Variants in CFAP299 observed in about 807,000 individuals in gnomAD.
CFAP299 encodes cilia- and flagella-associated protein 299.
A neutral mutation model predicts 27.0 loss-of-function variants in CFAP299; 21 were observed. The observed-to-expected ratio is 0.78, with a 90% CI of 0.55 to 1.12. CFAP299 has a LOEUF of 1.12. Among genes scored for constraint, CFAP299 ranks in the 50% most tolerant of loss-of-function variants. CFAP299 has a pLI of 0.00. For missense variants in CFAP299, 310 were observed against 276.6 expected, an observed-to-expected ratio of 1.12 and a Z score of -0.86; for synonymous variants, 104 against 98.1, an observed-to-expected ratio of 1.06 and a Z score of -0.36.
chr4:80,704,172 C>G (rs187859566), intron 3 of CFAP299, among the ~76,000 whole-genome samples: 115 of 151,512 alleles, frequency 7.6e-4, no homozygotes, highest in Non-Finnish European at 1.5e-3. Context: ...TATTTAGAAT[C>G]CAGGTGGCAT....
At chr4:80,802,899 A>G (rs1246665540) in intron 3 of CFAP299, among the ~76,000 whole-genome samples, 1 of 152,054 alleles carries the variant, frequency 6.6e-6, no homozygotes, top group Non-Finnish European at 1.5e-5. Flanking sequence ...CATTAACATT[A>G]AATTAGAACC....
chr4:80,766,673 C>T (rs1560740711), intron 3 of CFAP299, among the ~76,000 whole-genome samples: 1 of 152,086 alleles, frequency 6.6e-6, no homozygotes, highest in Non-Finnish European at 1.5e-5. Context: ...CTATACGATA[C>T]TAGTTCAAAA....
At chr4:80,625,012 A>G (rs1028938093) in intron 3 of CFAP299, among the ~76,000 whole-genome samples, 2 of 152,178 alleles carry the variant, frequency 1.3e-5, no homozygotes, top group Non-Finnish European at 2.9e-5. Flanking sequence ...GGTGAAAGAA[A>G]AAAACACTAA....
intron 3 of CFAP299, among the ~76,000 whole-genome samples, chr4:80,865,639 A>G (rs1732677023): frequency 6.6e-6 from 1 of 152,168 alleles, no homozygotes; most frequent in Non-Finnish European, 1.5e-5. Flanking sequence ...ATTTTATTTT[A>G]GCAAACTTTT....
intron 3 of CFAP299, among the ~76,000 whole-genome samples, chr4:80,794,609 A>G (rs1727750558): frequency 6.6e-6 from 1 of 152,148 alleles, no homozygotes; most frequent in Non-Finnish European, 1.5e-5. Flanking sequence ...GAATTCCATG[A>G]GCATGAGCCC....
intron 2 of CFAP299, among the ~76,000 whole-genome samples, chr4:80,554,463 G>C (rs1439302962): frequency 6.7e-6 from 1 of 148,784 alleles, no homozygotes; most frequent in East Asian, 2.0e-4. Context: ...GCATTGCCCT[G>C]GCTATTTGGG....
chr4:80,898,926 G>A (rs754710089), intron 4 of CFAP299, among the ~76,000 whole-genome samples: 1 of 152,104 alleles, frequency 6.6e-6, no homozygotes, highest in Non-Finnish European at 1.5e-5. Context: ...TAAAATTTAG[G>A]CTGATTCCCA....
intron 3 of CFAP299, among the ~76,000 whole-genome samples, chr4:80,834,934 A>C (rs780788046): frequency 6.6e-6 from 1 of 152,120 alleles, no homozygotes; most frequent in Non-Finnish European, 1.5e-5. Context: ...TAGAACTGAA[A>C]ATATTTGTTC....
At chr4:80,922,813 A>G (rs959109907) in intron 4 of CFAP299, among the ~76,000 whole-genome samples, 13 of 150,134 alleles carry the variant, frequency 8.7e-5, no homozygotes, top group Non-Finnish European at 4.4e-5. Flanking sequence ...AGTGTTATAA[A>G]TGTTAAAATG....
chr4:80,839,318 G>C (rs1480367771), intron 3 of CFAP299, among the ~76,000 whole-genome samples: 2 of 152,034 alleles, frequency 1.3e-5, no homozygotes, highest in African/African-American at 4.8e-5. Context: ...CTAGAACATT[G>C]TCTAGAATGT....
At chr4:80,335,069 C>G (rs535984069), upstream of CFAP299, among the ~76,000 whole-genome samples, 1 of 152,214 alleles carries the variant, frequency 6.6e-6, no homozygotes, top group South Asian at 2.1e-4. Context: ...AACAAAAAAT[C>G]TTTAGTGAAA....
At chr4:80,392,174 G>A in intron 2 of CFAP299, among the ~76,000 whole-genome samples, 1 of 152,104 alleles carries the variant, frequency 6.6e-6, no homozygotes, top group East Asian at 1.9e-4. Flanking sequence ...TACCTCCATT[G>A]TATCTAAGAA....
chr4:80,822,254 G>GA (rs1283582286), intron 3 of CFAP299, among the ~76,000 whole-genome samples: 1 of 152,136 alleles, frequency 6.6e-6, no homozygotes, highest in South Asian at 2.1e-4. Context: ...CAAGTAGCCT[G>GA]AAAAGCCTTC....
At chr4:80,542,974 A>G (rs970182192) in intron 2 of CFAP299, among the ~76,000 whole-genome samples, 10 of 152,020 alleles carry the variant, frequency 6.6e-5, no homozygotes, top group Non-Finnish European at 1.2e-4. Context: ...TGCTGTTGCC[A>G]GTGGCCTAGG....
At chr4:80,690,868 C>G (rs895800196) in intron 3 of CFAP299, among the ~76,000 whole-genome samples, 1 of 150,290 alleles carries the variant, frequency 6.7e-6, no homozygotes, top group Non-Finnish European at 1.5e-5. Flanking sequence ...GATATCACCA[C>G]TGATCCCACA....
intron 2 of CFAP299, among the ~76,000 whole-genome samples, chr4:80,377,255 CATTTAAGTTTGTAT>C (rs1360717430): frequency 2.0e-5 from 3 of 152,062 alleles, no homozygotes; most frequent in African/African-American, 7.2e-5. Context: ...CTAGGTTTCA[CATTTAAGTTTGTAT>C]TAATAATTTA....
intron 5 of CFAP299, among the ~76,000 whole-genome samples, chr4:80,963,093 G>C (rs557619461): frequency 6.6e-6 from 1 of 152,168 alleles, no homozygotes; most frequent in Non-Finnish European, 1.5e-5. Context: ...ACCATGGACA[G>C]ACACTTCCAC....
At position 80,394,405 on chromosome 4, in the gene CFAP299, GTT is replaced by G. The variant is rs749367759; in HGVS notation, c.242+31534_242+31535del. Among the ~76,000 whole-genome samples the G allele has an allele frequency of 8.6e-3, 1,210 of 141,074 alleles. 18 individuals are homozygous for G. The highest frequency in any genetic ancestry group is 0.029 in the African/African-American group (1,132 of 38,856). 92.6% of individuals were successfully genotyped at this position (141,074 alleles called of 152,430 possible). Reference sequence around the variant, plus strand: ...GTAGGTTGTTCCTTGGCTGTACACAGTTTTTTTTTTTTTTAAATTAGATGCAG... The same window carrying G: ...GTAGGTTGTTCCTTGGCTGTACACAGTTTTTTTTTTTTAAATTAGATGCAG... On this transcript the variant is annotated intron_variant, in intron 2 of 5. Coordinates refer to ENST00000358105, the MANE Select transcript of CFAP299 (RefSeq NM_152770.3).
chr4:80,772,779 G>T (rs2110085003), intron 3 of CFAP299, among the ~76,000 whole-genome samples: 1 of 152,104 alleles, frequency 6.6e-6, no homozygotes, highest in Admixed American at 6.6e-5. Context: ...TGTTCTCATT[G>T]TGCAACTCTC....
Sources: gnomAD v4.1 joint callset for allele counts (sites outside exome capture counted in the v4.1 genomes callset) on GRCh38, gnomAD v4.1.1 for gene constraint, MANE v1.5 for transcripts, NCBI Gene and HGNC (gene_info 2026-07-23, HGNC 2026-07-21) for gene names.